Variants in RMC1 observed in about 807,000 individuals in gnomAD.
RMC1 encodes the protein regulator of MON1-CCZ1 complex.
In RMC1, 44 loss-of-function variants were observed where a neutral mutation model predicts 95.5. That is an observed-to-expected ratio of 0.46 (90% CI 0.36 to 0.59). RMC1 has a LOEUF of 0.59. Among genes scored for constraint, RMC1 ranks in the 20% least tolerant of loss-of-function variants. The pLI is 0.00. For missense variants in RMC1, 705 were observed against 819.6 expected (o/e 0.86, Z 1.71); for synonymous variants, 320 against 303.6 (o/e 1.05, Z -0.56).
chr18:23,511,681 T>C (rs1462635682), intron 5 of RMC1, among the ~76,000 whole-genome samples: 1 of 152,032 alleles, frequency 6.6e-6, no homozygotes, highest in Non-Finnish European at 1.5e-5. Context: ...AAAGTGTATC[T>C]TGGACATCTT....
chr18:23,529,181 G>T lies in RMC1; in HGVS notation c.1299G>T (p.Ala433=). Residue 433 remains alanine (A), a splice_region_variant and synonymous_variant, in exon 15 of 20, where the codon GCG becomes GCT. Transcript: ENST00000269221. The stretch of plus-strand genomic sequence containing the variant: ...AGTTTGTGGTTTTTTTCTTTCAGGC[G>T]GTGGAAGCAGGGCAGAGCCGAAGCA... ...YLDAEQSYAM[A]VEAGQSRSSP... 1 of 1,608,522 alleles carries T rather than the reference G, an allele frequency of 6.2e-7. No individual in the cohort carries two copies. Among genetic ancestry groups the T allele is most frequent in the African/African-American group, 1.3e-5 (1 of 74,534 alleles).
At position 23,509,200 on chromosome 18, in the gene RMC1, A is replaced by C. The variant is rs201825808; in HGVS notation, c.329A>C (p.Asn110Thr). The change falls in exon 5 of 20, where the codon AAT becomes ACT. Residue 110 changes from asparagine to threonine, a missense_variant. Physicochemically the swap from Asn to Thr is moderately conservative, Grantham distance 65. Coordinates refer to ENST00000269221, the MANE Select transcript of RMC1 (RefSeq NM_013326.5). Reference sequence around the variant, plus strand: ...TTAAAAAATTTTTCTTAGACTAAGAATGCCAACATTCTAGGATTCTGCTGG... The same window carrying C: ...TTAAAAAATTTTTCTTAGACTAAGACTGCCAACATTCTAGGATTCTGCTGG... Reference protein sequence around the residue: ...LEYTQECKTKNANILGFCWTS... With the variant: ...LEYTQECKTKTANILGFCWTS... The C allele has an allele frequency of 1.9e-4, 259 of 1,393,504 alleles. No individual in the cohort carries two copies. Among genetic ancestry groups the C allele is most frequent in the Non-Finnish European group, 2.3e-4 (248 of 1,064,960 alleles). The allele number at this position is 1,393,504 out of a possible 1,614,324, so 86.3% of individuals were successfully genotyped here.
At chr18:23,529,080 TG>T in intron 14 of RMC1, 98 bp from the exon 15 acceptor site, 1 of 1,511,194 alleles carries the variant, frequency 6.6e-7, no homozygotes. Flanking sequence ...GCTCATATCC[TG>T]GGTCCACATC....
chr18:23,523,166 T>C (rs1339985227), intron 10 of RMC1, among the ~76,000 whole-genome samples: 1 of 152,222 alleles, frequency 6.6e-6, no homozygotes, highest in East Asian at 1.9e-4. Flanking sequence ...GGCTCTTTCC[T>C]ACCTTTGGGT....
chr18:23,505,136 C>T (rs1366922282), intron 2 of RMC1, among the ~76,000 whole-genome samples: 1 of 152,204 alleles, frequency 6.6e-6, no homozygotes, highest in African/African-American at 2.4e-5. Flanking sequence ...TGGCTGACTG[C>T]AACCTCCGCC....
At chr18:23,518,852 G>T in intron 7 of RMC1, 38 bp from the exon 8 acceptor site, 1 of 1,582,446 alleles carries the variant, frequency 6.3e-7, no homozygotes, top group Non-Finnish European at 8.7e-7. Flanking sequence ...AATTTTGAAT[G>T]GCCAGATGTG....
chr18:23,529,375 TGTGATTAGAGTCACTTGAA>T (rs1343087279), intron 15 of RMC1, 77 bp downstream of exon 15: 6 of 1,532,948 alleles, frequency 3.9e-6, no homozygotes, highest in African/African-American at 2.7e-5. Context: ...GGAGACTTCA[TGTGATTAGAGTCACTTGAA>T]GTGATTAGAA....
intron 10 of RMC1, chr18:23,523,025 G>C (rs2058185333): frequency 6.6e-6 from 1 of 152,236 alleles, no homozygotes; most frequent in African/African-American, 2.4e-5. Flanking sequence ...CATCTGGGGG[G>C]CCTTAAAAAT....
At chr18:23,508,463 CCTTA>C (rs1483706619) in intron 4 of RMC1, among the ~76,000 whole-genome samples, 1 of 152,098 alleles carries the variant, frequency 6.6e-6, no homozygotes. Flanking sequence ...TTTGTCTTGT[CCTTA>C]CTCTTTCTTT....
intron 10 of RMC1, 28 bp from the exon 11 acceptor site, chr18:23,524,102 G>A (rs755061519): frequency 2.2e-5 from 35 of 1,613,300 alleles, no homozygotes; most frequent in East Asian, 6.7e-5. Flanking sequence ...TGACTGCATC[G>A]TTGCACTTAT....
chr18:23,505,700 G>A (rs1251919488), intron 2 of RMC1, among the ~76,000 whole-genome samples: 4 of 152,162 alleles, frequency 2.6e-5, no homozygotes, highest in Non-Finnish European at 4.4e-5. Context: ...GAAGAGCAGC[G>A]CTCTGGTGGT....
rs772103682 is a variant in RMC1, at chr18:23,518,941, C to A, written c.705C>A (p.Asn235Lys). The A allele has an allele frequency of 6.2e-7, 1 of 1,614,204 alleles. No homozygotes were observed. The highest frequency in any genetic ancestry group is 1.1e-5 in the South Asian group (1 of 91,084). ...LFLRHHSRTS[N>K]STGAEVVLYH... Reference sequence around the variant, plus strand: ...TGAGGCATCATTCTCGGACCTCCAACAGCACAGGAGCGGAGGTGGTCCTCT... The same window carrying A: ...TGAGGCATCATTCTCGGACCTCCAAAAGCACAGGAGCGGAGGTGGTCCTCT... The change falls in exon 8 of 20, where the codon AAC becomes AAA. Residue 235 changes from asparagine (N) to lysine (K), a missense_variant. Transcript: ENST00000269221.
intron 12 of RMC1, among the ~76,000 whole-genome samples, chr18:23,525,749 G>T (rs993449743): frequency 4.6e-5 from 7 of 152,128 alleles, no homozygotes; most frequent in Non-Finnish European, 1.0e-4. Context: ...TAGAGACAGG[G>T]TCTTGCCATG....
chr18:23,522,405 A>ATG (rs1290323101), intron 10 of RMC1: 1 of 152,232 alleles, frequency 6.6e-6, no homozygotes, highest in Non-Finnish European at 1.5e-5. Flanking sequence ...TGTGGGCCAC[A>ATG]TGTGGCCCAG....
rs781689587 is a variant in RMC1, at chr18:23,507,017, A to C, written c.227A>C (p.Asn76Thr). Residue 76 changes from asparagine (N) to threonine (T), a missense_variant, in exon 3 of 20, where the codon AAT becomes ACT. Physicochemically the swap from Asn to Thr is moderately conservative, Grantham distance 65. Coordinates refer to ENST00000269221, the MANE Select transcript of RMC1 (RefSeq NM_013326.5). ...AAGTGCATTAAGTTTTCCTTAGAAAATAAGATATTGGCTGTTCAGAGGACC... is the reference window on the plus strand; with the variant it reads ...AAGTGCATTAAGTTTTCCTTAGAAACTAAGATATTGGCTGTTCAGAGGACC... ...EVKCIKFSLE[N>T]KILAVQRTSK... The C allele has an allele frequency of 6.2e-7, 1 of 1,610,412 alleles. No homozygotes were observed. The highest frequency in any genetic ancestry group is 1.7e-5 in the Admixed American group (1 of 59,350).
rs748155130 is a variant in RMC1, at chr18:23,529,164, GTTT to G, written c.1297-10_1297-8del. On this transcript the variant is annotated splice_polypyrimidine_tract_variant and intron_variant, in intron 14 of 19. Transcript: ENST00000269221. ...AAGATGCCGAAGATCATAGTTTGTG[GTTT>G]TTTTCTTTCAGGCGGTGGAAGCAGG... 6.2e-7 allele frequency: 1 copy of G among 1,606,452 alleles called. No homozygotes were observed. Among genetic ancestry groups the G allele is most frequent in the African/African-American group, 1.3e-5 (1 of 74,540 alleles).
At chr18:23,529,484 G>A (rs937881447) in intron 15 of RMC1, 151 bp from the exon 16 acceptor site, 15 of 1,238,796 alleles carry the variant, frequency 1.2e-5, no homozygotes, top group East Asian at 2.4e-5. Context: ...AATTGTTGAC[G>A]GGTGGTTCTG....
At chr18:23,525,909 T>C (rs2058286029) in intron 12 of RMC1, among the ~76,000 whole-genome samples, 1 of 152,258 alleles carries the variant, frequency 6.6e-6, no homozygotes, top group Non-Finnish European at 1.5e-5. Context: ...AGGCATCCAC[T>C]GTATGTAATG....
chr18:23,528,053 G>A, intron 14 of RMC1, 152 bp downstream of exon 14: 1 of 637,540 alleles, frequency 1.6e-6, no homozygotes, highest in South Asian at 2.0e-5. Flanking sequence ...AGTAGTGGGG[G>A]ATAGTGGAGG....
Sources: gnomAD v4.1 joint callset for allele counts (sites outside exome capture counted in the v4.1 genomes callset) on GRCh38, gnomAD v4.1.1 for gene constraint, MANE v1.5 for transcripts, NCBI Gene and HGNC (gene_info 2026-07-23, HGNC 2026-07-21) for gene names.